Variants in SIMC1 observed in about 807,000 individuals in gnomAD.
SIMC1 encodes the protein SUMO-interacting motif-containing protein 1.
Under a neutral mutation model 82.3 loss-of-function variants are expected in SIMC1, and 55 were observed. That is an observed-to-expected ratio of 0.67 (90% CI 0.54 to 0.84). SIMC1 has a LOEUF of 0.84. SIMC1 is among the 40% of genes least tolerant of loss of function. SIMC1 has a pLI of 0.00. For synonymous variants in SIMC1, 353 were observed against 426.3 expected, an observed-to-expected ratio of 0.83 and a Z score of 2.12; for missense variants, 915 against 1,107.2, an observed-to-expected ratio of 0.83 and a Z score of 2.46.
chr5:176,246,044 C>G (rs1761426915), intron 1 of SIMC1, among the ~76,000 whole-genome samples: 1 of 148,638 alleles, frequency 6.7e-6, no homozygotes, highest in African/African-American at 2.5e-5. Context: ...GAGTCTCGCT[C>G]TGTCACCCAG....
At chr5:176,323,316 T>C (rs1172495079) in intron 6 of SIMC1, among the ~76,000 whole-genome samples, 1 of 152,208 alleles carries the variant, frequency 6.6e-6, no homozygotes, top group African/African-American at 2.4e-5. Context: ...TGGACACTGT[T>C]CCTTCAATGG....
At chr5:176,299,500 A>G (rs1293251943) in intron 4 of SIMC1, among the ~76,000 whole-genome samples, 2 of 152,226 alleles carry the variant, frequency 1.3e-5, no homozygotes, top group Non-Finnish European at 2.9e-5. Context: ...CTAATATAAG[A>G]CAAAAAGACT....
intron 9 of SIMC1, among the ~76,000 whole-genome samples, chr5:176,339,349 G>A (rs1766034346): frequency 1.3e-5 from 2 of 152,178 alleles, no homozygotes; most frequent in African/African-American, 4.8e-5. Context: ...TGGCGACAGA[G>A]TGAGACTCTG....
chr5:176,259,896 G>T (rs553057434), intron 1 of SIMC1, among the ~76,000 whole-genome samples: 359 of 151,724 alleles, frequency 2.4e-3, no homozygotes, highest in Non-Finnish European at 3.4e-3. Context: ...TTTTCCTTGT[G>T]TGTGCACAAA....
chr5:176,322,161 A>C (rs940111033), intron 5 of SIMC1, 112 bp from the exon 6 acceptor site: 3 of 1,273,956 alleles, frequency 2.4e-6, no homozygotes, highest in African/African-American at 1.5e-5. Flanking sequence ...GGTTAAGGCT[A>C]TAGTTCTGAG....
At chr5:176,272,769 G>A (rs1189582744) in intron 1 of SIMC1, among the ~76,000 whole-genome samples, 4 of 152,204 alleles carry the variant, frequency 2.6e-5, no homozygotes, top group East Asian at 1.9e-4. Flanking sequence ...CTTAGCAAAC[G>A]GCACACCAGC....
At chr5:176,320,475 C>A (rs932495321) in intron 5 of SIMC1, among the ~76,000 whole-genome samples, 1 of 151,992 alleles carries the variant, frequency 6.6e-6, no homozygotes, top group African/African-American at 2.4e-5. Context: ...GTCAGGTGAT[C>A]CTCCCACCTC....
intron 6 of SIMC1, 26 bp downstream of exon 6, chr5:176,322,451 TG>T: frequency 6.3e-7 from 1 of 1,592,716 alleles, no homozygotes. Flanking sequence ...TTCTCTTTCC[TG>T]GGGCTCTTGG....
chr5:176,241,661 C>T (rs538016971), intron 1 of SIMC1, among the ~76,000 whole-genome samples: 1 of 151,790 alleles, frequency 6.6e-6, no homozygotes, highest in African/African-American at 2.4e-5. Flanking sequence ...ACTTAACTAC[C>T]AGTGGCCTAC....
chr5:176,332,171 T>A (rs907994147), intron 7 of SIMC1, among the ~76,000 whole-genome samples: 6 of 152,212 alleles, frequency 3.9e-5, no homozygotes, highest in East Asian at 1.9e-4. Context: ...TGTTTCCTGT[T>A]TGTTCTTTCT....
At position 176,340,254 on chromosome 5, in the gene SIMC1, G is replaced by A. The variant is rs1033206739; in HGVS notation, c.2413+3108G>A. On this transcript the variant is annotated intron_variant, in intron 9 of 9. Coordinates refer to ENST00000429602, the MANE Select transcript of SIMC1 (RefSeq NM_001308195.2). Reference sequence around the variant, plus strand: ...ATTCAAACAGGTCTGTCAGAGACACGGATTCTGGGCTGTCAATTGAGCTCA... The same window carrying A: ...ATTCAAACAGGTCTGTCAGAGACACAGATTCTGGGCTGTCAATTGAGCTCA... 3.9e-5 allele frequency among the ~76,000 whole-genome samples: 6 copies of A among 152,282 alleles called. No individual in the cohort carries two copies. In the South Asian group the frequency reaches 8.3e-4, roughly 21 times the overall value.
chr5:176,258,378 G>A lies in SIMC1; in HGVS notation c.129+19741G>A, dbSNP rs185078206. 9.6e-3 allele frequency among the ~76,000 whole-genome samples: 1,455 copies of A among 150,812 alleles called. 29 individuals are homozygous for A. Among genetic ancestry groups the A allele is most frequent in the Middle Eastern group, 0.045 (13 of 288 alleles). ...AACCAGATGCTAACTAGTAGAGCAG[G>A]TTTACCACCGCTTGTCTCCATCTTT... On this transcript the variant is annotated intron_variant, in intron 1 of 9. Transcript: ENST00000429602.
intron 1 of SIMC1, among the ~76,000 whole-genome samples, chr5:176,270,020 G>A (rs1305816383): frequency 6.6e-6 from 1 of 151,616 alleles, no homozygotes; most frequent in Non-Finnish European, 1.5e-5. Context: ...GCCTCCCAAA[G>A]TGCTGGGATT....
chr5:176,341,074 G>A (rs1252914544), intron 9 of SIMC1, among the ~76,000 whole-genome samples: 1 of 152,210 alleles, frequency 6.6e-6, no homozygotes, highest in Non-Finnish European at 1.5e-5. Context: ...TTGAACCCGG[G>A]AGGCAGAGGT....
chr5:176,290,330 C>T lies in SIMC1; in HGVS notation c.806C>T (p.Pro269Leu). 6.2e-7 allele frequency: 1 copy of T among 1,613,982 alleles called. No homozygotes were observed. Among genetic ancestry groups the T allele is most frequent in the Non-Finnish European group, 8.5e-7 (1 of 1,179,892 alleles). Residue 269 changes from proline to leucine, a missense_variant, in exon 2 of 10, where the codon CCA (proline) becomes CTA (leucine). By Grantham distance (98) the Pro-to-Leu change is moderately conservative. Around this residue, in one of 2 missense-constraint regions of SIMC1, gnomAD observed 902 missense variants for 1,040.3 expected, o/e 0.87. Coordinates refer to ENST00000429602, the MANE Select transcript of SIMC1 (RefSeq NM_001308195.2). The part of the protein sequence containing the change: ...PALTHPPQEV[P>L]CPRQNIPGPP... ...CTAACTCACCCACCTCAAGAAGTGC[C>T]ATGCCCTCGGCAGAATATCCCAGGC...
intron 7 of SIMC1, among the ~76,000 whole-genome samples, chr5:176,331,664 G>A (rs1247621101): frequency 1.3e-5 from 2 of 150,822 alleles, no homozygotes; most frequent in Non-Finnish European, 3.0e-5. Context: ...CAGACAGACA[G>A]ATGGATAAAG....
intron 1 of SIMC1, among the ~76,000 whole-genome samples, chr5:176,273,590 G>C (rs1284765912): frequency 1.3e-5 from 2 of 152,098 alleles, no homozygotes; most frequent in Non-Finnish European, 2.9e-5. Flanking sequence ...TGACATGCTG[G>C]TGCACTGCAC....
At chr5:176,242,986 C>T (rs773851692) in intron 1 of SIMC1, among the ~76,000 whole-genome samples, 27 of 152,006 alleles carry the variant, frequency 1.8e-4, no homozygotes, top group Non-Finnish European at 3.1e-4. Context: ...AGCCAGATTC[C>T]ATAAGATGTC....
At chr5:176,282,226 C>T (rs1763043871) in intron 1 of SIMC1, among the ~76,000 whole-genome samples, 1 of 152,250 alleles carries the variant, frequency 6.6e-6, no homozygotes, top group Admixed American at 6.5e-5. Flanking sequence ...GGCGTAGGAC[C>T]CTCCAAGCCA....
Sources: gnomAD v4.1 joint callset for allele counts (sites outside exome capture counted in the v4.1 genomes callset) on GRCh38, gnomAD v4.1.1 for gene constraint, gnomAD v4.1.1 regional missense constraint, MANE v1.5 for transcripts, NCBI Gene and HGNC (gene_info 2026-07-23, HGNC 2026-07-21) for gene names.